PPP2R5E: variants seen among roughly 807,000 people sequenced by gnomAD.
The protein encoded by PPP2R5E is serine/threonine-protein phosphatase 2A 56 kDa regulatory subunit epsilon isoform.
A neutral mutation model predicts 65.3 loss-of-function variants in PPP2R5E; 4 were observed. The ratio of observed to expected loss-of-function variants is 0.06; its 90% CI spans 0.03 to 0.14. The LOEUF is 0.14. Ranked by LOEUF, PPP2R5E falls within the 10% of genes least tolerant of loss-of-function variation. PPP2R5E has a pLI of 1.00. For synonymous variants in PPP2R5E, 183 were observed against 187.4 expected, an observed-to-expected ratio of 0.98 and a Z score of 0.19; for missense variants, 274 against 556.1, an observed-to-expected ratio of 0.49 and a Z score of 5.10.
In PPP2R5E at chr14:63,453,820, C is replaced by T; in HGVS notation, c.223G>A (p.Asp75Asn). Residue 75 changes from aspartate to asparagine, a missense_variant, in exon 3 of 14, where the codon GAC becomes AAC. Transcript: ENST00000337537. Reference protein sequence around the residue: ...KKLQQCCVIFDFMDTLSDLKM... With the variant: ...KKLQQCCVIFNFMDTLSDLKM... ...AGATCAGATAGCGTGTCCATGAAGTCAAAAATGACACAGCACTGCTGAAGT... is the reference window on the plus strand; with the variant it reads ...AGATCAGATAGCGTGTCCATGAAGTTAAAAATGACACAGCACTGCTGAAGT... The T allele has an allele frequency of 6.2e-7, 1 of 1,602,370 alleles. No individual in the cohort carries two copies. The highest frequency in any genetic ancestry group is 8.5e-7 in the Non-Finnish European group (1 of 1,175,326).
chr14:63,397,165 C>T (rs1885444172), intron 5 of PPP2R5E, among the ~76,000 whole-genome samples: 1 of 152,190 alleles, frequency 6.6e-6, no homozygotes, highest in Non-Finnish European at 1.5e-5. Context: ...GTCCGTAGCT[C>T]AACCACTGCA....
chr14:63,414,647 G>A (rs78883849), intron 5 of PPP2R5E, among the ~76,000 whole-genome samples: 1,879 of 152,266 alleles, frequency 0.012, 65 homozygotes, highest in East Asian at 0.12. Flanking sequence ...AATCCCTTTA[G>A]GGAAATTTTA....
chr14:63,467,082 CGG>C (rs1889854759), intron 2 of PPP2R5E, among the ~76,000 whole-genome samples: 1 of 151,672 alleles, frequency 6.6e-6, no homozygotes, highest in South Asian at 2.1e-4. Flanking sequence ...AAAAATTAGC[CGG>C]GCGTGGTGGC....
At chr14:63,536,633 A>G (rs1893675571) in intron 2 of PPP2R5E, among the ~76,000 whole-genome samples, 1 of 152,262 alleles carries the variant, frequency 6.6e-6, no homozygotes, top group East Asian at 1.9e-4. Flanking sequence ...GTGTCCACCA[A>G]TGAATTAATG....
intron 2 of PPP2R5E, among the ~76,000 whole-genome samples, chr14:63,478,726 G>A (rs773802461): frequency 2.6e-5 from 4 of 152,142 alleles, no homozygotes; most frequent in African/African-American, 4.8e-5. Flanking sequence ...TCTAGGATAT[G>A]AAGTACACAC....
chr14:63,386,410 A>T (rs1288442635), intron 11 of PPP2R5E, among the ~76,000 whole-genome samples: 1 of 152,224 alleles, frequency 6.6e-6, no homozygotes, highest in Non-Finnish European at 1.5e-5. Context: ...TCACATGGCT[A>T]GTAAGTGGCA....
chr14:63,535,409 A>G (rs1048217829), intron 2 of PPP2R5E, among the ~76,000 whole-genome samples: 1 of 152,074 alleles, frequency 6.6e-6, no homozygotes, highest in African/African-American at 2.4e-5. Flanking sequence ...CAACAAGAGC[A>G]AAACTCCATC....
intron 12 of PPP2R5E, among the ~76,000 whole-genome samples, chr14:63,382,915 T>TTTTATA (rs1555354611): frequency 2.0e-5 from 3 of 151,834 alleles, no homozygotes; most frequent in Non-Finnish European, 2.9e-5. Context: ...GAAACAAATG[T>TTTTATA]TATATATATA....
intron 2 of PPP2R5E, among the ~76,000 whole-genome samples, chr14:63,473,272 G>A (rs1184701861): frequency 1.3e-5 from 2 of 152,182 alleles, no homozygotes; most frequent in Non-Finnish European, 2.9e-5. Context: ...TGGAAACAAG[G>A]GGCTATAAAT....
chr14:63,438,230 C>T (rs779258768), intron 3 of PPP2R5E, among the ~76,000 whole-genome samples: 26 of 152,222 alleles, frequency 1.7e-4, no homozygotes, highest in Non-Finnish European at 1.9e-4. Context: ...TCCTGCTCAT[C>T]ATGCACCACT....
At chr14:63,391,739 A>C in intron 10 of PPP2R5E, 78 bp downstream of exon 10, 1 of 1,484,864 alleles carries the variant, frequency 6.7e-7, no homozygotes, top group Non-Finnish European at 9.4e-7. Flanking sequence ...ATGCGGTTTT[A>C]TACATGCTTA....
intron 2 of PPP2R5E, among the ~76,000 whole-genome samples, chr14:63,489,482 T>C (rs1396087925): frequency 6.6e-6 from 1 of 151,140 alleles, no homozygotes; most frequent in Non-Finnish European, 1.5e-5. Flanking sequence ...CGATCATGGC[T>C]CACTGCAGCC....
chr14:63,385,691 C>T (rs538408482), intron 11 of PPP2R5E, among the ~76,000 whole-genome samples: 6 of 152,228 alleles, frequency 3.9e-5, no homozygotes, highest in Admixed American at 1.3e-4. Flanking sequence ...AAGGAGATAC[C>T]ATTGTGCTCA....
intron 7 of PPP2R5E, among the ~76,000 whole-genome samples, 155 bp downstream of exon 7, chr14:63,395,071 G>T (rs1001677074): frequency 2.0e-5 from 3 of 152,184 alleles, no homozygotes; most frequent in African/African-American, 7.2e-5. Context: ...ATTGTGTCTT[G>T]TAGAGTCAGC....
intron 2 of PPP2R5E, among the ~76,000 whole-genome samples, chr14:63,485,195 TTAAAA>T (rs1477204174): frequency 7.0e-5 from 10 of 143,802 alleles, no homozygotes; most frequent in African/African-American, 2.2e-4. Flanking sequence ...CTATACTCAT[TTAAAA>T]AAAAAAAAAA....
chr14:63,521,671 G>T (rs751226340), intron 2 of PPP2R5E, among the ~76,000 whole-genome samples: 2 of 152,098 alleles, frequency 1.3e-5, no homozygotes, highest in African/African-American at 4.8e-5. Flanking sequence ...TCAAAAAAAA[G>T]AGCCCAGTTA....
intron 2 of PPP2R5E, among the ~76,000 whole-genome samples, chr14:63,474,262 A>T (rs1266783878): frequency 6.6e-6 from 1 of 152,174 alleles, no homozygotes; most frequent in African/African-American, 2.4e-5. Flanking sequence ...TAACAGACAG[A>T]GAGGGATCAA....
At chr14:63,460,028 T>C (rs536878628) in intron 2 of PPP2R5E, among the ~76,000 whole-genome samples, 1 of 152,314 alleles carries the variant, frequency 6.6e-6, no homozygotes, top group South Asian at 2.1e-4. Context: ...ATACACGTTT[T>C]TTAAAGGTTC....
At chr14:63,487,918 C>T (rs754017837) in intron 2 of PPP2R5E, among the ~76,000 whole-genome samples, 7 of 152,140 alleles carry the variant, frequency 4.6e-5, no homozygotes, top group Non-Finnish European at 7.4e-5. Flanking sequence ...GTAACTTCCT[C>T]TTCTTTATTT....
Sources: allele counts gnomAD v4.1 joint callset (sites outside exome capture counted in the v4.1 genomes callset), GRCh38; gene constraint gnomAD v4.1.1; transcripts MANE v1.5; gene names NCBI Gene and HGNC (gene_info 2026-07-23, HGNC 2026-07-21).